ENTPD1: variants seen among roughly 807,000 people sequenced by gnomAD.
The protein encoded by ENTPD1 is ATP diphosphohydrolase.
ENTPD1 carries 33 observed loss-of-function variants against 57.0 expected under a neutral mutation model. The observed-to-expected ratio is 0.58, with a 90% CI of 0.44 to 0.77. The LOEUF is 0.77. ENTPD1 is among the 30% of genes least tolerant of loss of function. The pLI is 0.00. For synonymous variants in ENTPD1, 202 were observed against 218.8 expected (o/e 0.92, Z 0.68); for missense variants, 501 against 603.4 (o/e 0.83, Z 1.78).
chr10:95,735,025 A>ATTTT (rs376795429), intron 1 of ENTPD1, among the ~76,000 whole-genome samples: 1 of 126,754 alleles, frequency 7.9e-6, no homozygotes, highest in Non-Finnish European at 1.7e-5. Context: ...ATGAAAATAG[A>ATTTT]TTTTTTTTTT....
Position 95,760,814 on chromosome 10 carries a change from C to CTTTTTTTTTTT in ENTPD1, c.16+4582_16+4592dup, listed in dbSNP as rs71034350. Among the ~76,000 whole-genome samples the CTTTTTTTTTTT allele has an allele frequency of 4.8e-3, 304 of 62,964 alleles. 67 individuals carry two copies. The highest frequency in any genetic ancestry group is 7.5e-3 in the African/African-American group (112 of 14,914). The allele number at this position is 62,964 out of a possible 152,430, so 41.3% of individuals were successfully genotyped here. On this transcript the variant is annotated intron_variant, in intron 1 of 9. Coordinates refer to ENST00000371205, the MANE Select transcript of ENTPD1 (RefSeq NM_001776.6). Reference sequence around the variant, plus strand: ...TGGAGTAAATTACATAGAGTTTATTCTTTTTTTTTTTTTTTTTTTTTTTTT... The same window carrying CTTTTTTTTTTT: ...TGGAGTAAATTACATAGAGTTTATTCTTTTTTTTTTTTTTTTTTTTTTTTTTTTTTTTTTTT...
intron 1 of ENTPD1, among the ~76,000 whole-genome samples, chr10:95,737,087 T>C (rs953751811): frequency 6.6e-6 from 1 of 152,170 alleles, no homozygotes; most frequent in African/African-American, 2.4e-5. Context: ...GAAGGATTTA[T>C]GGGGGGTTAG....
intron 1 of ENTPD1, among the ~76,000 whole-genome samples, chr10:95,759,262 T>C (rs1406602219): frequency 6.6e-6 from 1 of 152,196 alleles, no homozygotes; most frequent in Non-Finnish European, 1.5e-5. Context: ...TCTATGTGGA[T>C]ACACTGAAAA....
chr10:95,866,269 C>CCA lies in ENTPD1; in HGVS notation c.1421_1422dup (p.Ser475ThrfsTer21). ...AGCAACCATTGTCCACACCTCTCTC[C>CCA]CACTCCACCTATGTCTTCCTCATGG... On this transcript the variant is annotated frameshift_variant, in exon 10 of 10. Transcript: ENST00000371205. LOFTEE classifies it high-confidence loss of function. The CCA allele has an allele frequency of 1.2e-6, 2 of 1,614,194 alleles. No individual in the cohort carries two copies. Among genetic ancestry groups the CCA allele is most frequent in the Non-Finnish European group, 1.7e-6 (2 of 1,180,038 alleles).
Position 95,871,632 on chromosome 10 carries a change from T to A in ENTPD1, c.*5249T>A. On this transcript the variant is annotated 3_prime_UTR_variant, in exon 10 of 10. Coordinates refer to ENST00000371205, the MANE Select transcript of ENTPD1 (RefSeq NM_001776.6). ...TTTAGAAAAGTGGCATTCAAGACTC[T>A]TCATTTGAAGTGAAGATTGCTATGT... 1 of 985,432 alleles carries A rather than the reference T, an allele frequency of 1.0e-6. No homozygotes were observed. Among genetic ancestry groups the A allele is most frequent in the South Asian group, 4.7e-5 (1 of 21,282 alleles). 61.0% of individuals were successfully genotyped at this position (985,432 alleles called of 1,614,324 possible). A position where few individuals can be genotyped will look rare whatever the true frequency, so the allele number is the denominator to read the frequency against.
chr10:95,725,196 A>T lies in ENTPD1; in HGVS notation c.37+13203A>T, dbSNP rs540893628. On this transcript the variant is annotated intron_variant, in intron 1 of 9. Coordinates refer to the ENTPD1 transcript ENST00000453258. ...TTTGCTTTTCTTCTCTAGAATTTTT[A>T]TTTGATTCTTTGCTATGGCTTTTGT... Among the ~76,000 whole-genome samples, 3 of 152,010 alleles carry T rather than the reference A, an allele frequency of 2.0e-5. No homozygotes were observed. The South Asian group carries it at 6.2e-4, about 32-fold the overall frequency.
intron 1 of ENTPD1, among the ~76,000 whole-genome samples, chr10:95,714,697 A>G (rs773617709): frequency 1.1e-4 from 16 of 152,216 alleles, no homozygotes; most frequent in Non-Finnish European, 2.2e-4. Context: ...TCATTTATTT[A>G]TTCATTTGTG....
intron 1 of ENTPD1, among the ~76,000 whole-genome samples, chr10:95,793,583 A>G (rs1261969564): frequency 6.6e-6 from 1 of 152,164 alleles, no homozygotes; most frequent in East Asian, 1.9e-4. Flanking sequence ...AGCATCACCT[A>G]GCAACTTGTT....
At chr10:95,803,193 G>C (rs1033942667) in intron 1 of ENTPD1, among the ~76,000 whole-genome samples, 29 of 152,132 alleles carry the variant, frequency 1.9e-4, no homozygotes, top group Admixed American at 5.9e-4. Flanking sequence ...CCATGAGCAT[G>C]GAATGTTTTT....
intron 1 of ENTPD1, among the ~76,000 whole-genome samples, chr10:95,810,670 T>C (rs548396239): frequency 1.3e-4 from 20 of 152,260 alleles, no homozygotes; most frequent in Non-Finnish European, 2.9e-4. Flanking sequence ...CTGAGTCATA[T>C]GCTGGATTTG....
At chr10:95,715,943 C>T (rs751118820) in intron 1 of ENTPD1, among the ~76,000 whole-genome samples, 16 of 152,166 alleles carry the variant, frequency 1.1e-4, no homozygotes, top group Admixed American at 1.0e-3. Context: ...TGGATCACTG[C>T]AGCCTTGACC....
intron 3 of ENTPD1, 79 bp from the exon 4 acceptor site, chr10:95,842,265 C>G: frequency 3.0e-6 from 4 of 1,312,712 alleles, no homozygotes; most frequent in East Asian, 2.4e-5. Flanking sequence ...TTCAAAACAC[C>G]ATATTTTGAT....
intron 8 of ENTPD1, among the ~76,000 whole-genome samples, chr10:95,863,175 TAC>T (rs1332869236): frequency 6.6e-6 from 1 of 152,192 alleles, no homozygotes; most frequent in Non-Finnish European, 1.5e-5. Context: ...ATAGCCAATG[TAC>T]AGATTTCCAG....
At position 95,864,865 on chromosome 10, in the gene ENTPD1, AT is replaced by A. The variant is rs756840545; in HGVS notation, c.1326+7del. On this transcript the variant is annotated splice_donor_5th_base_variant and intron_variant, in intron 9 of 9. Transcript: ENST00000371205. ...GCACATCCATTTCATTGGCAAGGTA[AT>A]TTGGGGGCCTGTTGGGCTGGGGGGA... 15 of 1,602,206 alleles carry A rather than the reference AT, an allele frequency of 9.4e-6. No homozygotes were observed. Among genetic ancestry groups the A allele is most frequent in the Non-Finnish European group, 1.3e-5 (15 of 1,173,622 alleles).
chr10:95,718,291 T>C (rs1233317817), intron 1 of ENTPD1, among the ~76,000 whole-genome samples: 2 of 152,200 alleles, frequency 1.3e-5, no homozygotes, highest in Non-Finnish European at 2.9e-5. Flanking sequence ...CCCCATTCTA[T>C]GTCTTCTGCT....
chr10:95,876,771 T>A lies in ENTPD1; in HGVS notation c.*10388T>A. On this transcript the variant is annotated 3_prime_UTR_variant, in exon 10 of 10. Coordinates refer to ENST00000371205, the MANE Select transcript of ENTPD1 (RefSeq NM_001776.6). ...TGTGCCCATCACAGAACTTCACTGA[T>A]TATCATCATTTAGCCAGTCTTGAAG... 1.8e-6 allele frequency: 1 copy of A among 568,338 alleles called. No homozygotes were observed. The highest frequency in any genetic ancestry group is 2.4e-6 in the Non-Finnish European group (1 of 415,748). 35.2% of individuals were successfully genotyped at this position (568,338 alleles called of 1,614,324 possible).
chr10:95,710,042 G>A (rs1349915586), upstream of ENTPD1, among the ~76,000 whole-genome samples: 8 of 152,112 alleles, frequency 5.3e-5, no homozygotes, highest in East Asian at 1.6e-3. Flanking sequence ...CCAAAGTGCT[G>A]GGATTACAAG....
intron 1 of ENTPD1, among the ~76,000 whole-genome samples, chr10:95,769,122 T>G (rs2098103945): frequency 1.3e-5 from 2 of 152,222 alleles, no homozygotes; most frequent in Non-Finnish European, 2.9e-5. Context: ...AGTCTCGCCA[T>G]GTACAGTAGT....
chr10:95,798,277 T>TA (rs2098234737), intron 1 of ENTPD1, among the ~76,000 whole-genome samples: 2 of 152,124 alleles, frequency 1.3e-5, no homozygotes, highest in African/African-American at 4.8e-5. Context: ...AGGAGCCAGA[T>TA]ACAGTGGGTT....
Sources: allele counts gnomAD v4.1 joint callset (sites outside exome capture counted in the v4.1 genomes callset), GRCh38; gene constraint gnomAD v4.1.1; transcripts MANE v1.5; gene names NCBI Gene and HGNC (gene_info 2026-07-23, HGNC 2026-07-21).